The following VAV3 variants were observed in gnomAD, a reference collection of about 807,000 sequenced individuals.
The protein encoded by VAV3 is guanine nucleotide exchange factor VAV3.
VAV3 carries 94 observed loss-of-function variants against 131.2 expected under a neutral mutation model. That is an observed-to-expected ratio of 0.72 (90% CI 0.61 to 0.85). VAV3 has a LOEUF of 0.85. Ranked by LOEUF, VAV3 falls within the 40% of genes least tolerant of loss-of-function variation. The probability of loss-of-function intolerance (pLI) is 0.00; values close to 1 mark genes in which losing one functional copy is unlikely to be tolerated. For missense variants in VAV3, 939 were observed against 1,002.7 expected (o/e 0.94, Z 0.86); for synonymous variants, 349 against 342.0 (o/e 1.02, Z -0.22).
intron 1 of VAV3, among the ~76,000 whole-genome samples, chr1:107,954,729 C>T (rs1674718917): frequency 6.7e-6 from 1 of 148,612 alleles, no homozygotes; most frequent in South Asian, 2.1e-4. Context: ...TCAGAACACT[C>T]CTCCAAGGGA....
chr1:107,952,468 T>TTATATATATATA (rs1161088981), intron 1 of VAV3, among the ~76,000 whole-genome samples: 1,597 of 118,900 alleles, frequency 0.013, 35 homozygotes, highest in Admixed American at 0.032. Context: ...TAACAAAACT[T>TTATATATATATA]TATATATATA....
rs11333111 is a variant in VAV3 at position 107,720,453 on chromosome 1, T to TA, written c.1503-15393dup. On this transcript the variant is annotated intron_variant, in intron 15 of 26. Coordinates refer to ENST00000370056, the MANE Select transcript of VAV3 (RefSeq NM_006113.5). ...TAAAAGTTCCATCTGTTAATATTGC[T>TA]AAAAAAAAAAAAAAAAGGAGTTTGA... Among the ~76,000 whole-genome samples the TA allele has an allele frequency of 7.0e-3, 903 of 129,772 alleles. 10 individuals carry two copies. Among genetic ancestry groups the TA allele is most frequent in the Middle Eastern group, 0.044 (11 of 250 alleles). The allele number at this position is 129,772 out of a possible 152,430, so 85.1% of individuals were successfully genotyped here.
intron 19 of VAV3, among the ~76,000 whole-genome samples, chr1:107,676,397 G>A (rs909552243): frequency 1.3e-5 from 2 of 152,198 alleles, no homozygotes; most frequent in Non-Finnish European, 2.9e-5. Flanking sequence ...TGGGGACAAT[G>A]TACATGAAGA....
intron 25 of VAV3, among the ~76,000 whole-genome samples, chr1:107,588,762 T>C (rs1439257843): frequency 6.6e-6 from 1 of 152,204 alleles, no homozygotes; most frequent in Non-Finnish European, 1.5e-5. Flanking sequence ...GAATACTCCA[T>C]TGGAGATATT....
At chr1:107,794,898 G>A (rs1311384585) in intron 2 of VAV3, among the ~76,000 whole-genome samples, 1 of 152,190 alleles carries the variant, frequency 6.6e-6, no homozygotes, top group African/African-American at 2.4e-5. Flanking sequence ...TGACCCCAGT[G>A]AGTGTGGGGT....
At chr1:107,619,641 CT>C (rs1222774177) in intron 20 of VAV3, among the ~76,000 whole-genome samples, 1 of 152,066 alleles carries the variant, frequency 6.6e-6, no homozygotes, top group Non-Finnish European at 1.5e-5. Context: ...GGAAATAAGT[CT>C]ATTTTGCGAG....
At chr1:107,819,549 C>A (rs12748447) in intron 2 of VAV3, among the ~76,000 whole-genome samples, 31,015 of 129,716 alleles carry the variant, frequency 0.24, 3,542 homozygotes, top group South Asian at 0.34. Flanking sequence ...ACAAATATGA[C>A]AAAGTGTTAA....
At chr1:107,761,518 T>C (rs773667574) in intron 9 of VAV3, among the ~76,000 whole-genome samples, 1 of 152,200 alleles carries the variant, frequency 6.6e-6, no homozygotes, top group Non-Finnish European at 1.5e-5. Flanking sequence ...CCCAGTGGAC[T>C]TATAGAACAG....
At chr1:107,624,643 T>C (rs1434043553) in intron 20 of VAV3, among the ~76,000 whole-genome samples, 1 of 152,146 alleles carries the variant, frequency 6.6e-6, no homozygotes, top group Non-Finnish European at 1.5e-5. Context: ...ATGAATGTTT[T>C]TCTATCCTTG....
chr1:107,667,751 G>A (rs537073683), intron 19 of VAV3, among the ~76,000 whole-genome samples: 1 of 152,170 alleles, frequency 6.6e-6, no homozygotes, highest in South Asian at 2.1e-4. Flanking sequence ...AACAGAAGCA[G>A]CATTTATTAC....
At chr1:107,690,601 GTCA>G (rs1457537562) in intron 17 of VAV3, among the ~76,000 whole-genome samples, 1 of 152,086 alleles carries the variant, frequency 6.6e-6, no homozygotes. Flanking sequence ...TTCCTCCCTT[GTCA>G]TTGTCTCCTG....
intron 1 of VAV3, among the ~76,000 whole-genome samples, chr1:107,945,454 T>C (rs959554556): frequency 6.6e-6 from 1 of 152,224 alleles, no homozygotes; most frequent in African/African-American, 2.4e-5. Flanking sequence ...TGCTGGTCAT[T>C]GTGCTGATCC....
intron 2 of VAV3, among the ~76,000 whole-genome samples, chr1:107,819,574 T>C (rs1667706498): frequency 6.6e-6 from 1 of 152,050 alleles, no homozygotes; most frequent in African/African-American, 2.4e-5. Context: ...TCTTAAATCT[T>C]GGTGATGAGA....
At chr1:107,675,526 T>C (rs566369948) in intron 19 of VAV3, among the ~76,000 whole-genome samples, 2 of 152,310 alleles carry the variant, frequency 1.3e-5, no homozygotes, top group African/African-American at 4.8e-5. Flanking sequence ...ATATGTTTAA[T>C]ACAGATAAAA....
intron 20 of VAV3, among the ~76,000 whole-genome samples, chr1:107,635,620 T>C (rs879814586): frequency 2.0e-5 from 3 of 152,072 alleles, no homozygotes; most frequent in Non-Finnish European, 2.9e-5. Flanking sequence ...TAAAGTATAA[T>C]AAAATAAATT....
intron 2 of VAV3, among the ~76,000 whole-genome samples, chr1:107,826,317 A>C (rs1304649250): frequency 6.6e-6 from 1 of 152,200 alleles, no homozygotes; most frequent in Non-Finnish European, 1.5e-5. Context: ...TAAGATTGAA[A>C]ATTCTTATTT....
chr1:107,929,567 T>A (rs1673323322), intron 1 of VAV3, among the ~76,000 whole-genome samples: 1 of 151,784 alleles, frequency 6.6e-6, no homozygotes, highest in Non-Finnish European at 1.5e-5. Flanking sequence ...GTAAGTAAAC[T>A]CCCCTAAGTA....
intron 2 of VAV3, among the ~76,000 whole-genome samples, chr1:107,807,528 G>A (rs1319962789): frequency 6.6e-6 from 1 of 152,186 alleles, no homozygotes; most frequent in African/African-American, 2.4e-5. Context: ...CAAGAGCAGG[G>A]TCGTAGTGCT....
intron 2 of VAV3, among the ~76,000 whole-genome samples, chr1:107,817,577 T>G (rs1437818892): frequency 6.6e-6 from 1 of 152,118 alleles, no homozygotes. Context: ...TTGAAATTAC[T>G]CAAATGGAAG....
Sources: allele counts gnomAD v4.1 joint callset (sites outside exome capture counted in the v4.1 genomes callset), GRCh38; gene constraint gnomAD v4.1.1; transcripts MANE v1.5; gene names NCBI Gene and HGNC (gene_info 2026-07-23, HGNC 2026-07-21).